The following LIMS2 variants were observed in gnomAD, a reference collection of about 807,000 sequenced individuals.
LIMS2 encodes LIM zinc finger domain containing 2.
In LIMS2, 30 loss-of-function variants were observed where a neutral mutation model predicts 45.3. That is an observed-to-expected ratio of 0.66 (90% confidence interval 0.50 to 0.90). The LOEUF is 0.90. Ranked by LOEUF, LIMS2 falls within the 40% of genes least tolerant of loss-of-function variation. LIMS2 has a pLI of 0.00. For missense variants in LIMS2, 485 were observed against 468.7 expected (o/e 1.03, Z -0.32); for synonymous variants, 173 against 188.0 (o/e 0.92, Z 0.65).
In LIMS2 at chr2:127,664,209, C is replaced by A; in HGVS notation, c.12-6647G>T. 9.5e-7 allele frequency: 1 copy of A among 1,048,656 alleles called. No individual in the cohort carries two copies. The highest frequency in any genetic ancestry group is 1.2e-6 in the Non-Finnish European group (1 of 837,536). 65.0% of individuals were successfully genotyped at this position (1,048,656 alleles called of 1,614,324 possible). On this transcript the variant is annotated intron_variant, in intron 1 of 9. Transcript: ENST00000355119. The surrounding 1 kb of genome is among the most constrained non-coding windows in gnomAD (Gnocchi z 5.5). ...GACGCCGGGGCAGAGCCCACGGCGT[C>A]GGAGGGCCCCGGTCGGGTTTCCGAG... is the stretch of plus-strand genomic sequence containing the variant.
upstream of LIMS2, among the ~76,000 whole-genome samples, chr2:127,680,516 A>T (rs1685592508): frequency 6.6e-6 from 1 of 152,254 alleles, no homozygotes; most frequent in African/African-American, 2.4e-5. Context: ...AACTGTCATT[A>T]GACACACCCT....
Position 127,643,085 on chromosome 2 carries a change from G to A in LIMS2, c.360-13C>T, listed in dbSNP as rs1682603541. Reference sequence around the variant, plus strand: ...CCGGCAGAGATGCCTGCGGGAGGCGGGGGCATTAGGGGCAGAGCCCCCACT... The same window carrying A: ...CCGGCAGAGATGCCTGCGGGAGGCGAGGGCATTAGGGGCAGAGCCCCCACT... On this transcript the variant is annotated splice_polypyrimidine_tract_variant and intron_variant, in intron 4 of 9. Transcript: ENST00000355119. The A allele has an allele frequency of 6.4e-7, 1 of 1,556,366 alleles. No individual in the cohort carries two copies. The highest frequency in any genetic ancestry group is 8.7e-7 in the Non-Finnish European group (1 of 1,152,990).
chr2:127,647,047 C>T lies in LIMS2; in HGVS notation c.360-3975G>A, dbSNP rs189469175. Among the ~76,000 whole-genome samples the T allele has an allele frequency of 1.2e-3, 176 of 152,214 alleles. 1 individual carries two copies. The highest frequency in any genetic ancestry group is 4.0e-3 in the African/African-American group (168 of 41,548). ...CAGGAAGTGGAGGGCAGTGCCCAGGCTGAGGCCCCCGGGCTGGAGGCAGGA... is the reference window on the plus strand; with the variant it reads ...CAGGAAGTGGAGGGCAGTGCCCAGGTTGAGGCCCCCGGGCTGGAGGCAGGA... On this transcript the variant is annotated intron_variant, in intron 4 of 9. Transcript: ENST00000355119. This position sits in a 1 kb window ranked among gnomAD's most constrained non-coding sequence, Gnocchi z 4.3.
At position 127,642,960 on chromosome 2, in the gene LIMS2, C is replaced by T. The variant is rs776293607; in HGVS notation, c.472G>A (p.Ala158Thr). 5.1e-6 allele frequency: 8 copies of T among 1,567,840 alleles called. No homozygotes were observed. The highest frequency in any genetic ancestry group is 2.7e-5 in the African/African-American group (2 of 73,910). The change falls in exon 5 of 10, where the codon GCC becomes ACC. Residue 158 changes from alanine to threonine, a missense_variant. By Grantham distance (58) the Ala-to-Thr change is moderately conservative (BLOSUM62 0). Coordinates refer to ENST00000355119, the MANE Select transcript of LIMS2 (RefSeq NM_001161403.3). This position sits in a 1 kb window ranked among gnomAD's most constrained non-coding sequence, Gnocchi z 5.3. ...CAGTTGAAGTGGTCAGGGTGGTAGG[C>T]GTCGCTCCTGAACATGAGGGGCTGC... The part of the protein sequence containing the change: ...DEQPLMFRSD[A>T]YHPDHFNCTH...
intron 4 of LIMS2, among the ~76,000 whole-genome samples, chr2:127,645,607 T>C (rs1356607523): frequency 6.6e-6 from 1 of 152,234 alleles, no homozygotes; most frequent in African/African-American, 2.4e-5. Context: ...CCTGCAGCTG[T>C]TCCTCGCTCC....
At chr2:127,651,720 A>G (rs1413849653) in intron 4 of LIMS2, 2 of 1,612,824 alleles carry the variant, frequency 1.2e-6, no homozygotes, top group Non-Finnish European at 1.7e-6. Context: ...AGGGAAAACC[A>G]ACGAGAGCTC....
At position 127,647,327 on chromosome 2, in the gene LIMS2, G is replaced by A. The variant is rs1055314132; in HGVS notation, c.360-4255C>T. 1.3e-5 allele frequency among the ~76,000 whole-genome samples: 2 copies of A among 152,172 alleles called. No individual in the cohort carries two copies. The highest frequency in any genetic ancestry group is 2.9e-5 in the Non-Finnish European group (2 of 68,008). On this transcript the variant is annotated intron_variant, in intron 4 of 9. Transcript: ENST00000355119. This position sits in a 1 kb window ranked among gnomAD's most constrained non-coding sequence, Gnocchi z 4.3. ...CACTCCCCACCCTGGCGGTCTTCCA[G>A]GGAGTGAGACCGTTTCCCCGGTCTC...
chr2:127,649,722 G>C (rs573746589), intron 4 of LIMS2, among the ~76,000 whole-genome samples: 14 of 152,368 alleles, frequency 9.2e-5, no homozygotes, highest in African/African-American at 3.4e-4. Flanking sequence ...ACCCTATCCA[G>C]ACCCAGGGTT....
Position 127,664,341 on chromosome 2 carries a change from C to G in LIMS2, c.12-6779G>C, listed in dbSNP as rs992707622. 1.1e-5 allele frequency: 14 copies of G among 1,228,788 alleles called. 1 individual carries two copies. The highest frequency in any genetic ancestry group is 3.2e-4 in the Middle Eastern group (1 of 3,148). The allele number at this position is 1,228,788 out of a possible 1,614,324, so 76.1% of individuals were successfully genotyped here. A position where few individuals can be genotyped will look rare whatever the true frequency, so the allele number is the denominator to read the frequency against. ...GCGGCGGGCTCTGCCGGTGCTGGCG[C>G]CGCCGGTACAGCCCCGACGCGGCCA... On this transcript the variant is annotated intron_variant, in intron 1 of 9. Transcript: ENST00000355119. This position sits in a 1 kb window ranked among gnomAD's most constrained non-coding sequence, Gnocchi z 5.5.
Position 127,672,929 on chromosome 2 carries a change from C to T in LIMS2, c.11+2085G>A, listed in dbSNP as rs1045965352. 1.3e-5 allele frequency among the ~76,000 whole-genome samples: 2 copies of T among 152,170 alleles called. No homozygotes were observed. Among genetic ancestry groups the T allele is most frequent in the Non-Finnish European group, 2.9e-5 (2 of 68,032 alleles). On this transcript the variant is annotated intron_variant, in intron 1 of 9. Coordinates refer to ENST00000355119, the MANE Select transcript of LIMS2 (RefSeq NM_001161403.3). The surrounding 1 kb of genome is among the most constrained non-coding windows in gnomAD (Gnocchi z 4.9). Reference sequence around the variant, plus strand: ...TCCCGAGAGAACCAGGATCCAGGCACGAGGAGCTGCCCGGGATCACATGGG... The same window carrying T: ...TCCCGAGAGAACCAGGATCCAGGCATGAGGAGCTGCCCGGGATCACATGGG...
chr2:127,651,162 C>T (rs192682507), intron 4 of LIMS2: 16 of 1,612,884 alleles, frequency 9.9e-6, no homozygotes, highest in African/African-American at 6.7e-5. Context: ...CCTCAAGCTC[C>T]GCAGGCCCCT....
At chr2:127,680,896 G>A (rs572966634) in intron 1 of LIMS2, among the ~76,000 whole-genome samples, 1 of 152,166 alleles carries the variant, frequency 6.6e-6, no homozygotes, top group African/African-American at 2.4e-5. Context: ...ACATCATGCC[G>A]TCGAGTATCC....
In LIMS2 at chr2:127,664,820, G is replaced by A. The variant is rs1684922189; in HGVS notation, c.12-7258C>T. Among the ~76,000 whole-genome samples the A allele has an allele frequency of 6.6e-6, 1 of 152,164 alleles. No homozygotes were observed. The highest frequency in any genetic ancestry group is 1.5e-5 in the Non-Finnish European group (1 of 68,030). ...CTGAGGAGGACAGGGAGGACCTGGC[G>A]CCTTTAGGATCCCTGCCAACAGTTA... On this transcript the variant is annotated intron_variant, in intron 1 of 9. Transcript: ENST00000355119. This position sits in a 1 kb window ranked among gnomAD's most constrained non-coding sequence, Gnocchi z 5.5.
At chr2:127,673,195 TCAAA>T (rs1285961231) in intron 1 of LIMS2, among the ~76,000 whole-genome samples, 3 of 152,236 alleles carry the variant, frequency 2.0e-5, no homozygotes, top group South Asian at 2.1e-4. Context: ...CACAGCTGCG[TCAAA>T]CAAACTCCAG....
chr2:127,649,060 G>A (rs1683361111), intron 4 of LIMS2, among the ~76,000 whole-genome samples: 1 of 124,906 alleles, frequency 8.0e-6, no homozygotes, highest in African/African-American at 2.9e-5. Flanking sequence ...AAGAAGAAAG[G>A]AAGGAAGGAA....
intron 1 of LIMS2, among the ~76,000 whole-genome samples, chr2:127,659,816 T>TGGA: frequency 6.6e-6 from 1 of 152,342 alleles, no homozygotes; most frequent in Admixed American, 6.5e-5. Flanking sequence ...TCCAGGCTCC[T>TGGA]GTTCTCTGCC....
At chr2:127,641,635 G>C (rs1000637232) in intron 6 of LIMS2, 3 of 162,670 alleles carry the variant, frequency 1.8e-5, no homozygotes, top group Non-Finnish European at 1.3e-5. Flanking sequence ...CCCACCACCC[G>C]GTGGGGGCAC....
At chr2:127,676,101 C>T (rs948327196), upstream of LIMS2, among the ~76,000 whole-genome samples, 131 of 152,320 alleles carry the variant, frequency 8.6e-4, 1 homozygote, top group African/African-American at 3.0e-3. Context: ...AAAAAACCCC[C>T]GCCCTGCCTA....
At chr2:127,660,635 C>T (rs1684572810) in intron 1 of LIMS2, among the ~76,000 whole-genome samples, 1 of 152,158 alleles carries the variant, frequency 6.6e-6, no homozygotes, top group African/African-American at 2.4e-5. Flanking sequence ...TCTGAAGGAT[C>T]AAACTCCAGA....
Sources: gnomAD v4.1 joint callset for allele counts (sites outside exome capture counted in the v4.1 genomes callset) on GRCh38, gnomAD v4.1.1 for gene constraint, Gnocchi (gnomAD v3.1) non-coding constraint, MANE v1.5 for transcripts, NCBI Gene and HGNC (gene_info 2026-07-23, HGNC 2026-07-21) for gene names.